ERC2: variants seen among roughly 807,000 people sequenced by gnomAD.
ERC2 encodes ELKS/RAB6-interacting/CAST family member 2, also known as ERC protein 2.
Under a neutral mutation model 114.8 loss-of-function variants are expected in ERC2, and 42 were observed. The observed-to-expected ratio is 0.37, with a 90% CI of 0.29 to 0.47. The LOEUF is 0.47. ERC2 is among the 20% of genes least tolerant of loss of function. The pLI is 0.99. For missense variants in ERC2, 939 were observed against 1,150.7 expected (o/e 0.82, Z 2.66); for synonymous variants, 454 against 425.5 (o/e 1.07, Z -0.82).
intron 14 of ERC2, among the ~76,000 whole-genome samples, chr3:55,819,173 T>C (rs2060019414): frequency 6.6e-6 from 1 of 152,198 alleles, no homozygotes; most frequent in African/African-American, 2.4e-5. Context: ...TCCTGGGAAG[T>C]GGTTTGTTAA....
intron 6 of ERC2, among the ~76,000 whole-genome samples, chr3:56,135,322 A>G (rs2080443420): frequency 6.6e-6 from 1 of 152,156 alleles, no homozygotes; most frequent in Admixed American, 6.5e-5. Flanking sequence ...TTATTTGTCC[A>G]TATCATTCTA....
At chr3:55,646,663 T>G (rs933603571) in intron 17 of ERC2, among the ~76,000 whole-genome samples, 1 of 152,246 alleles carries the variant, frequency 6.6e-6, no homozygotes, top group Admixed American at 6.5e-5. Context: ...TTACTGTCCC[T>G]GTAAGGCTTT....
chr3:55,830,273 A>G (rs930886939), intron 14 of ERC2, among the ~76,000 whole-genome samples: 18 of 152,220 alleles, frequency 1.2e-4, no homozygotes, highest in Non-Finnish European at 1.9e-4. Context: ...AAACATGATA[A>G]AGGCAAATTC....
chr3:56,314,900 T>G (rs2056790281), intron 2 of ERC2, among the ~76,000 whole-genome samples: 1 of 152,192 alleles, frequency 6.6e-6, no homozygotes, highest in Non-Finnish European at 1.5e-5. Context: ...CTCTTTCCCT[T>G]CTAGCTCCAT....
At position 55,951,916 on chromosome 3, in the gene ERC2, C is replaced by A. The variant is rs1410249415; in HGVS notation, c.2268-1356G>T. ...TAGTCCTCATAAATTATGTACCCCCCTACTCTCTCCCATTCCAAGCAAACG... is the reference window on the plus strand; with the variant it reads ...TAGTCCTCATAAATTATGTACCCCCATACTCTCTCCCATTCCAAGCAAACG... On this transcript the variant is annotated intron_variant, in intron 12 of 17. Transcript: ENST00000288221. Among the ~76,000 whole-genome samples the A allele has an allele frequency of 2.0e-5, 3 of 152,012 alleles. No individual in the cohort carries two copies. In the East Asian group the frequency reaches 5.8e-4, roughly 29 times the overall value.
intron 3 of ERC2, among the ~76,000 whole-genome samples, chr3:56,287,288 G>A (rs1308719425): frequency 6.6e-6 from 1 of 152,154 alleles, no homozygotes; most frequent in Non-Finnish European, 1.5e-5. Flanking sequence ...ATTTCTTTTT[G>A]GCAGTGAGAT....
rs533127216 is a variant in ERC2, at chr3:55,605,658, ATG to A, written c.*39+78134_*39+78135del. Among the ~76,000 whole-genome samples, 277 of 152,324 alleles carry A rather than the reference ATG, an allele frequency of 1.8e-3. 2 individuals carry two copies. The highest frequency in any genetic ancestry group is 2.2e-3 in the Non-Finnish European group (150 of 68,036). ...TCAAAGAAATTTTTATTGCAAAAGT[ATG>A]TGATTTACTTCTGTAGGCAGTTATT... is the stretch of plus-strand genomic sequence containing the variant. On this transcript the variant is annotated intron_variant, in intron 17 of 17. Transcript: ENST00000288221.
intron 15 of ERC2, among the ~76,000 whole-genome samples, chr3:55,709,477 A>G (rs559303978): frequency 6.6e-6 from 1 of 152,326 alleles, no homozygotes; most frequent in Admixed American, 6.5e-5. Context: ...AGACACCACC[A>G]TCAGAAGGGA....
chr3:56,370,880 C>A (rs1444572586), intron 2 of ERC2, among the ~76,000 whole-genome samples: 1 of 152,184 alleles, frequency 6.6e-6, no homozygotes, highest in Non-Finnish European at 1.5e-5. Context: ...AGGCATGAGG[C>A]ACTGCGCCCA....
At chr3:55,661,192 C>T (rs919553121) in intron 17 of ERC2, among the ~76,000 whole-genome samples, 1 of 152,166 alleles carries the variant, frequency 6.6e-6, no homozygotes, top group African/African-American at 2.4e-5. Context: ...AGAATTTTGG[C>T]ACAACACGGC....
chr3:55,925,586 C>A (rs1419935800), intron 13 of ERC2, among the ~76,000 whole-genome samples: 1 of 152,092 alleles, frequency 6.6e-6, no homozygotes, highest in Admixed American at 6.6e-5. Flanking sequence ...ATGCCTGGAC[C>A]ATGTCCCTGT....
At chr3:56,308,480 A>G (rs1334387498) in intron 2 of ERC2, among the ~76,000 whole-genome samples, 2 of 152,236 alleles carry the variant, frequency 1.3e-5, no homozygotes, top group African/African-American at 4.8e-5. Flanking sequence ...TCCAGATCTC[A>G]GAAGTCTAAA....
rs2063293779 is a variant in ERC2, at chr3:55,702,767, T to C, written c.2713-3255A>G. ...TCCCATACATAATGGTCCACAGCCC[T>C]GTAGCCTCAGATGCTTGAGGTGCCC... On this transcript the variant is annotated intron_variant, in intron 15 of 17. Coordinates refer to ENST00000288221, the MANE Select transcript of ERC2 (RefSeq NM_015576.3). 2.6e-5 allele frequency among the ~76,000 whole-genome samples: 4 copies of C among 152,186 alleles called. No homozygotes were observed. The South Asian group carries it at 8.3e-4, about 31-fold the overall frequency.
chr3:56,111,852 C>T (rs2078980056), intron 6 of ERC2, among the ~76,000 whole-genome samples: 1 of 152,170 alleles, frequency 6.6e-6, no homozygotes, highest in Admixed American at 6.5e-5. Context: ...ACAAATATTG[C>T]TGAACTGTTT....
At chr3:56,242,134 A>T (rs1576032850) in intron 3 of ERC2, among the ~76,000 whole-genome samples, 1 of 152,196 alleles carries the variant, frequency 6.6e-6, no homozygotes, top group Non-Finnish European at 1.5e-5. Flanking sequence ...ATGGAATACT[A>T]CTCAGCCATA....
At chr3:56,224,215 G>A (rs577313473) in intron 3 of ERC2, among the ~76,000 whole-genome samples, 3 of 152,280 alleles carry the variant, frequency 2.0e-5, no homozygotes, top group South Asian at 2.1e-4. Context: ...AGGGAATGTG[G>A]TAAAATTTTA....
At chr3:56,341,136 ATTAATAC>A (rs954777194) in intron 2 of ERC2, among the ~76,000 whole-genome samples, 3 of 152,180 alleles carry the variant, frequency 2.0e-5, no homozygotes, top group African/African-American at 7.2e-5. Flanking sequence ...CAGATTTGCA[ATTAATAC>A]TTAATGTGAC....
rs1460356804 is a variant in ERC2, at chr3:55,714,659, GTGTGTGTGTATATATATATATATA to G, written c.2713-15171_2713-15148del. 3.5e-3 allele frequency among the ~76,000 whole-genome samples: 249 copies of G among 70,856 alleles called. 1 individual carries two copies. Among genetic ancestry groups the G allele is most frequent in the African/African-American group, 0.012 (164 of 13,728 alleles). 46.5% of individuals were successfully genotyped at this position (70,856 alleles called of 152,430 possible). The stretch of plus-strand genomic sequence containing the variant: ...TATATATGTGTGTGTGTGTGTGTGT[GTGTGTGTGTATATATATATATATA>G]TATATATATATATATATATATATAT... On this transcript the variant is annotated intron_variant, in intron 15 of 17. Coordinates refer to ENST00000288221, the MANE Select transcript of ERC2 (RefSeq NM_015576.3).
At chr3:56,170,718 T>C (rs1192202069) in intron 4 of ERC2, among the ~76,000 whole-genome samples, 10 of 148,950 alleles carry the variant, frequency 6.7e-5, no homozygotes, top group Non-Finnish European at 1.5e-4. Context: ...TGCCTCTGCC[T>C]CCTGAGTAGC....
Sources: allele counts gnomAD v4.1 joint callset (sites outside exome capture counted in the v4.1 genomes callset), GRCh38; gene constraint gnomAD v4.1.1; transcripts MANE v1.5; gene names NCBI Gene and HGNC (gene_info 2026-07-23, HGNC 2026-07-21).